OLFM3: variants seen among roughly 807,000 people sequenced by gnomAD.
The protein encoded by OLFM3 is olfactomedin 3.
In OLFM3, 20 loss-of-function variants were observed where a neutral mutation model predicts 48.6. That is an observed-to-expected ratio of 0.41 (90% confidence interval 0.29 to 0.60). The LOEUF is 0.60. Ranked by LOEUF, OLFM3 falls within the 20% of genes least tolerant of loss-of-function variation. The pLI, the probability that OLFM3 is intolerant of heterozygous loss-of-function variation, is 0.28. For synonymous variants in OLFM3, 222 were observed against 198.1 expected (o/e 1.12, Z -1.01); for missense variants, 437 against 544.3 (o/e 0.80, Z 1.96).
In OLFM3 at chr1:101,855,377, G is replaced by A. The variant is rs370372792; in HGVS notation, c.70-18352C>T. Among the ~76,000 whole-genome samples, 7 of 152,146 alleles carry A rather than the reference G, an allele frequency of 4.6e-5. No individual in the cohort carries two copies. The South Asian group carries it at 1.0e-3, about 23-fold the overall frequency. On this transcript the variant is annotated intron_variant, in intron 1 of 5. Transcript: ENST00000370103. Reference sequence around the variant, plus strand: ...ACACAGCTAATAAATGACAGGGCCAGTATATGAACCCCCATAGTCAGATCC... The same window carrying A: ...ACACAGCTAATAAATGACAGGGCCAATATATGAACCCCCATAGTCAGATCC...
intron 1 of OLFM3, among the ~76,000 whole-genome samples, chr1:101,962,304 C>T (rs1660490204): frequency 6.6e-6 from 1 of 151,986 alleles, no homozygotes; most frequent in African/African-American, 2.4e-5. Flanking sequence ...TAGCAAAACT[C>T]CTTCCTTCTA....
At chr1:101,877,387 C>G (rs1425672258) in intron 1 of OLFM3, among the ~76,000 whole-genome samples, 3 of 151,882 alleles carry the variant, frequency 2.0e-5, no homozygotes, top group East Asian at 1.9e-4. Flanking sequence ...AGCTGGAGAT[C>G]AGGAGATCAA....
chr1:101,991,845 T>C (rs1032923205), intron 1 of OLFM3, among the ~76,000 whole-genome samples: 6 of 151,272 alleles, frequency 4.0e-5, no homozygotes, highest in African/African-American at 1.2e-4. Context: ...AAGTAGAAAA[T>C]TGAAAGCTTT....
intron 1 of OLFM3, among the ~76,000 whole-genome samples, chr1:101,875,664 A>AAG (rs4041565): frequency 0.51 from 77,071 of 151,634 alleles, 20,003 homozygotes; most frequent in Non-Finnish European, 0.56. Context: ...AACTTTATAA[A>AAG]AGTGTCATTT....
At position 101,836,863 on chromosome 1, in the gene OLFM3, G is replaced by C. The variant is rs376496755; in HGVS notation, c.216+16C>G. The C allele has an allele frequency of 6.2e-7, 1 of 1,613,072 alleles. No homozygotes were observed. The highest frequency in any genetic ancestry group is 8.5e-7 in the Non-Finnish European group (1 of 1,179,128). ...GATTTTACTAAAAATATGCATAGGG[G>C]ACACAGGACACCTACCTTTTCCAGT... On this transcript the variant is annotated intron_variant, in intron 2 of 5. Coordinates refer to ENST00000370103, the MANE Select transcript of OLFM3 (RefSeq NM_058170.4).
chr1:101,903,559 T>C (rs907996530), intron 1 of OLFM3, among the ~76,000 whole-genome samples: 1 of 152,042 alleles, frequency 6.6e-6, no homozygotes, highest in South Asian at 2.1e-4. Flanking sequence ...GCTTATAATA[T>C]TGACTTTAGT....
chr1:101,921,681 T>TA (rs1048570812), intron 1 of OLFM3, among the ~76,000 whole-genome samples: 4 of 152,316 alleles, frequency 2.6e-5, no homozygotes, highest in African/African-American at 9.6e-5. Context: ...TTTTTGAGCA[T>TA]AATAAATGCA....
At chr1:101,984,964 C>A (rs1046434882) in intron 1 of OLFM3, among the ~76,000 whole-genome samples, 1 of 152,192 alleles carries the variant, frequency 6.6e-6, no homozygotes, top group Non-Finnish European at 1.5e-5. Flanking sequence ...ACAGTTCTGG[C>A]AGACAAAAAC....
At chr1:101,819,670 G>A (rs1279614106) in intron 4 of OLFM3, among the ~76,000 whole-genome samples, 3 of 151,854 alleles carry the variant, frequency 2.0e-5, no homozygotes, top group Admixed American at 6.6e-5. Flanking sequence ...GTGGATGGTG[G>A]TTCTAGTCAT....
chr1:101,906,422 A>G (rs1471128969), intron 1 of OLFM3, among the ~76,000 whole-genome samples: 2 of 152,080 alleles, frequency 1.3e-5, no homozygotes, highest in Non-Finnish European at 2.9e-5. Context: ...TACCAAAGAG[A>G]TTATCTTAGA....
At chr1:101,847,159 T>A (rs1236959819) in intron 1 of OLFM3, 2 of 594,668 alleles carry the variant, frequency 3.4e-6, no homozygotes, top group Non-Finnish European at 4.2e-6. Flanking sequence ...CCTGCCCTTC[T>A]TTTTCCTCCC....
chr1:101,991,193 A>G (rs984952451), intron 1 of OLFM3, among the ~76,000 whole-genome samples: 3 of 151,198 alleles, frequency 2.0e-5, no homozygotes, highest in Admixed American at 2.0e-4. Context: ...ATGTTGTCCT[A>G]ATACTTGAAT....
chr1:101,946,241 T>C (rs536389120), intron 1 of OLFM3, among the ~76,000 whole-genome samples: 1 of 152,314 alleles, frequency 6.6e-6, no homozygotes, highest in Admixed American at 6.5e-5. Context: ...AAATGATAAA[T>C]AATGAATTAA....
At chr1:101,820,163 A>G (rs1654539980) in intron 4 of OLFM3, among the ~76,000 whole-genome samples, 2 of 152,128 alleles carry the variant, frequency 1.3e-5, no homozygotes, top group Non-Finnish European at 2.9e-5. Context: ...AATTTGGCAT[A>G]AACGGTAAAG....
At chr1:101,978,495 C>T (rs1661014363) in intron 1 of OLFM3, among the ~76,000 whole-genome samples, 1 of 152,066 alleles carries the variant, frequency 6.6e-6, no homozygotes, top group African/African-American at 2.4e-5. Context: ...TTTAAGACAA[C>T]AGCTCAAATA....
chr1:101,860,557 A>G (rs1656610897), intron 1 of OLFM3, among the ~76,000 whole-genome samples: 1 of 151,956 alleles, frequency 6.6e-6, no homozygotes, highest in Non-Finnish European at 1.5e-5. Flanking sequence ...AGTCCGCCCC[A>G]TAAATTTTCT....
At chr1:101,854,166 A>T (rs370782705) in intron 1 of OLFM3, among the ~76,000 whole-genome samples, 7 of 35,602 alleles carry the variant, frequency 2.0e-4, no homozygotes, top group African/African-American at 7.5e-4. Flanking sequence ...AGACAGATTT[A>T]AAAAAAAATG....
intron 1 of OLFM3, among the ~76,000 whole-genome samples, chr1:101,887,693 A>G (rs2101000105): frequency 6.6e-6 from 1 of 152,140 alleles, no homozygotes; most frequent in South Asian, 2.1e-4. Context: ...CATCTTGGTA[A>G]ATACTTATTT....
chr1:101,985,959 AACT>A (rs1661221408), intron 1 of OLFM3, among the ~76,000 whole-genome samples: 1 of 149,776 alleles, frequency 6.7e-6, no homozygotes, highest in Non-Finnish European at 1.5e-5. Context: ...AAAAATGATG[AACT>A]ACATTTTTTT....
Sources: gnomAD v4.1 joint callset for allele counts (sites outside exome capture counted in the v4.1 genomes callset) on GRCh38, gnomAD v4.1.1 for gene constraint, MANE v1.5 for transcripts, NCBI Gene and HGNC (gene_info 2026-07-23, HGNC 2026-07-21) for gene names.